The following LRMDA variants were observed in gnomAD, a reference collection of about 807,000 sequenced individuals.
LRMDA encodes the protein leucine-rich melanocyte differentiation-associated protein.
LRMDA carries 18 observed loss-of-function variants against 29.8 expected under a neutral mutation model. The observed-to-expected ratio is 0.60, with a 90% CI of 0.42 to 0.90. LRMDA has a LOEUF of 0.90. Among genes scored for constraint, LRMDA ranks in the 40% least tolerant of loss-of-function variants. The pLI is 0.00. For missense variants in LRMDA, 273 were observed against 273.9 expected, an observed-to-expected ratio of 1.00 and a Z score of 0.02; for synonymous variants, 125 against 109.4, an observed-to-expected ratio of 1.14 and a Z score of -0.89.
intron 2 of LRMDA, among the ~76,000 whole-genome samples, chr10:75,514,702 T>A (rs1845269811): frequency 6.6e-6 from 1 of 152,198 alleles, no homozygotes; most frequent in Non-Finnish European, 1.5e-5. Context: ...TTGCCATGTG[T>A]CAGGCCCTCC....
chr10:75,943,223 T>C (rs1280251371), intron 2 of LRMDA, among the ~76,000 whole-genome samples: 1 of 151,570 alleles, frequency 6.6e-6, no homozygotes, highest in Non-Finnish European at 1.5e-5. Context: ...CTTGTTTCAC[T>C]GCTTTGAGGA....
In LRMDA at chr10:76,493,091, C is replaced by T. The variant is rs1037801511; in HGVS notation, c.602-64118C>T. Among the ~76,000 whole-genome samples the T allele has an allele frequency of 5.3e-5, 8 of 152,020 alleles. No individual in the cohort carries two copies. The South Asian group carries it at 1.0e-3, about 20-fold the overall frequency. On this transcript the variant is annotated intron_variant, in intron 6 of 6. Transcript: ENST00000611255. Reference sequence around the variant, plus strand: ...CAGCAGGTATAAATCCAGCCAGACTCGTGTTCCTCTAGGACACAGATGGGT... The same window carrying T: ...CAGCAGGTATAAATCCAGCCAGACTTGTGTTCCTCTAGGACACAGATGGGT...
chr10:76,094,201 T>C (rs937369698), intron 5 of LRMDA, among the ~76,000 whole-genome samples: 1 of 152,200 alleles, frequency 6.6e-6, no homozygotes, highest in Non-Finnish European at 1.5e-5. Context: ...TCCAAATCTT[T>C]CTCTCAACTT....
intron 2 of LRMDA, among the ~76,000 whole-genome samples, chr10:76,022,068 A>G (rs1375418598): frequency 2.0e-5 from 3 of 152,226 alleles, no homozygotes; most frequent in African/African-American, 7.2e-5. Flanking sequence ...GGAGGTGAGG[A>G]TACTAATCTT....
chr10:76,124,985 T>C (rs184017789), intron 5 of LRMDA, among the ~76,000 whole-genome samples: 3 of 152,346 alleles, frequency 2.0e-5, no homozygotes, highest in East Asian at 1.9e-4. Context: ...TTATTACTTA[T>C]GACATTTCTA....
chr10:75,579,878 A>C (rs1465772911), intron 2 of LRMDA, among the ~76,000 whole-genome samples: 1 of 152,244 alleles, frequency 6.6e-6, no homozygotes, highest in African/African-American at 2.4e-5. Flanking sequence ...ACAGCCTTTC[A>C]TGCTGAAAAC....
At chr10:75,879,269 G>A (rs1170259050) in intron 2 of LRMDA, among the ~76,000 whole-genome samples, 4 of 152,154 alleles carry the variant, frequency 2.6e-5, no homozygotes, top group African/African-American at 7.2e-5. Context: ...GAGAAGGATC[G>A]GACCTCCCGA....
At chr10:75,698,999 G>C (rs1033250174) in intron 2 of LRMDA, among the ~76,000 whole-genome samples, 2 of 152,054 alleles carry the variant, frequency 1.3e-5, no homozygotes, top group Admixed American at 1.3e-4. Flanking sequence ...TCAGGAGCTC[G>C]AGACCAGCTT....
At position 76,268,627 on chromosome 10, in the gene LRMDA, C is replaced by A. The variant is rs149705412; in HGVS notation, c.517-55774C>A. 1.2e-3 allele frequency among the ~76,000 whole-genome samples: 190 copies of A among 152,268 alleles called. No individual in the cohort carries two copies. The Middle Eastern group carries it at 0.034, about 27-fold the overall frequency. Reference sequence around the variant, plus strand: ...TCTGCACTGTGTCCATTTCTTACAGCGATAAAATGGCAGTAAATCAGAAAA... The same window carrying A: ...TCTGCACTGTGTCCATTTCTTACAGAGATAAAATGGCAGTAAATCAGAAAA... On this transcript the variant is annotated intron_variant, in intron 5 of 6. Coordinates refer to ENST00000611255, the MANE Select transcript of LRMDA (RefSeq NM_001305581.2).
chr10:75,647,166 C>T (rs2132123759), intron 2 of LRMDA, among the ~76,000 whole-genome samples: 1 of 152,294 alleles, frequency 6.6e-6, no homozygotes, highest in Non-Finnish European at 1.5e-5. Context: ...CCTCCTTCAC[C>T]AGCTGCAACA....
intron 5 of LRMDA, among the ~76,000 whole-genome samples, chr10:76,238,857 C>G (rs1852214430): frequency 6.6e-6 from 1 of 151,594 alleles, no homozygotes; most frequent in South Asian, 2.1e-4. Flanking sequence ...GCGACGGCAC[C>G]CTTACACACT....
At chr10:76,146,290 G>A (rs905166004) in intron 5 of LRMDA, among the ~76,000 whole-genome samples, 2 of 151,824 alleles carry the variant, frequency 1.3e-5, no homozygotes, top group Non-Finnish European at 2.9e-5. Context: ...TGACAGTGGG[G>A]TGTTAAAGTC....
At chr10:75,959,575 C>G (rs997711809) in intron 2 of LRMDA, among the ~76,000 whole-genome samples, 3 of 151,992 alleles carry the variant, frequency 2.0e-5, no homozygotes, top group African/African-American at 7.3e-5. Context: ...GGGTTTGCTG[C>G]CACCCTTTGA....
chr10:76,320,362 G>A (rs913929004), intron 5 of LRMDA, among the ~76,000 whole-genome samples: 1 of 152,166 alleles, frequency 6.6e-6, no homozygotes, highest in East Asian at 1.9e-4. Flanking sequence ...AGGCCAGAAT[G>A]AGTGTTTCAA....
At chr10:76,453,138 G>A (rs1842423595) in intron 6 of LRMDA, among the ~76,000 whole-genome samples, 1 of 152,242 alleles carries the variant, frequency 6.6e-6, no homozygotes, top group Non-Finnish European at 1.5e-5. Context: ...ATCATTAGCA[G>A]TGACCAGGAT....
chr10:75,672,466 A>G (rs1301762336), intron 2 of LRMDA, among the ~76,000 whole-genome samples: 1 of 141,856 alleles, frequency 7.0e-6, no homozygotes, highest in Non-Finnish European at 1.5e-5. Flanking sequence ...AGCTCCTGAT[A>G]TTGGGACCTC....
At chr10:76,214,835 G>T (rs975175069) in intron 5 of LRMDA, among the ~76,000 whole-genome samples, 1 of 152,198 alleles carries the variant, frequency 6.6e-6, no homozygotes, top group Non-Finnish European at 1.5e-5. Context: ...TCACAATGTG[G>T]CAGGAGCTGT....
intron 5 of LRMDA, among the ~76,000 whole-genome samples, chr10:76,281,437 A>C (rs573539232): frequency 1.3e-5 from 2 of 152,168 alleles, no homozygotes; most frequent in African/African-American, 4.8e-5. Context: ...TCTGGGGTAC[A>C]TAACGGCCCT....
intron 2 of LRMDA, among the ~76,000 whole-genome samples, chr10:75,490,547 TCA>T (rs1844973736): frequency 6.6e-6 from 1 of 152,122 alleles, no homozygotes; most frequent in Non-Finnish European, 1.5e-5. Flanking sequence ...ATTGTAATAA[TCA>T]CACAGTCATA....
Sources: allele counts gnomAD v4.1 joint callset (sites outside exome capture counted in the v4.1 genomes callset), GRCh38; gene constraint gnomAD v4.1.1; transcripts MANE v1.5; gene names NCBI Gene and HGNC (gene_info 2026-07-23, HGNC 2026-07-21).